Variants in CAAP1 observed in about 807,000 individuals in gnomAD.
CAAP1 encodes caspase activity and apoptosis inhibitor 1, also known as conserved anti-apoptotic protein.
A neutral mutation model predicts 34.0 loss-of-function variants in CAAP1; 20 were observed. The observed-to-expected ratio is 0.59, with a 90% CI of 0.41 to 0.86. The LOEUF (loss-of-function observed/expected upper bound fraction) is 0.86, where lower values mean the gene tolerates loss of function less well. Among genes scored for constraint, CAAP1 ranks in the 40% least tolerant of loss-of-function variants. CAAP1 has a pLI of 0.00. For synonymous variants in CAAP1, 213 were observed against 166.7 expected, an observed-to-expected ratio of 1.28 and a Z score of -2.14; for missense variants, 538 against 450.5, an observed-to-expected ratio of 1.19 and a Z score of -1.76.
rs146047235 is a variant in CAAP1 at position 26,884,817 on chromosome 9, C to T, written c.658G>A (p.Val220Ile). Reference sequence around the variant, plus strand: ...GAAAGTTTTTAAACTTACTGACTGACTAAATCAGATCCCATCTTAGAACCA... The same window carrying T: ...GAAAGTTTTTAAACTTACTGACTGATTAAATCAGATCCCATCTTAGAACCA... ...DDGSKMGSDL[V>I]SQQDICIDSA... Residue 220 changes from valine to isoleucine, a missense_variant, in exon 4 of 6, where the codon GTC becomes ATC. Coordinates refer to ENST00000333916, the MANE Select transcript of CAAP1 (RefSeq NM_024828.4). 1.9e-6 allele frequency: 3 copies of T among 1,606,584 alleles called. No homozygotes were observed. The African/African-American group carries it at 4.0e-5, about 21-fold the overall frequency.
intron 5 of CAAP1, among the ~76,000 whole-genome samples, chr9:26,848,474 C>G (rs1052513596): frequency 1.3e-5 from 2 of 152,162 alleles, no homozygotes; most frequent in African/African-American, 4.8e-5. Context: ...CAAGATTACA[C>G]CACTGCACTC....
chr9:26,846,091 C>A (rs1822594624), intron 5 of CAAP1, among the ~76,000 whole-genome samples: 1 of 151,294 alleles, frequency 6.6e-6, no homozygotes, highest in South Asian at 2.1e-4. Context: ...TGTTCCACAG[C>A]CAATTCTTCC....
Position 26,853,889 on chromosome 9 carries a change from C to T in CAAP1, c.739+7177G>A, listed in dbSNP as rs961574019. On this transcript the variant is annotated intron_variant, in intron 5 of 5. Coordinates refer to ENST00000333916, the MANE Select transcript of CAAP1 (RefSeq NM_024828.4). ...TTTATTAGACAAGTTCTTTCCAGAT[C>T]CAGACATATTTATCTTTCTATCCCT... Among the ~76,000 whole-genome samples the T allele has an allele frequency of 1.2e-4, 19 of 152,218 alleles. No individual in the cohort carries two copies. In the East Asian group the frequency reaches 1.4e-3, roughly 11 times the overall value.
rs894712895 is a variant in CAAP1 at position 26,853,137 on chromosome 9, A to G, written c.739+7929T>C. Among the ~76,000 whole-genome samples, 66 of 152,158 alleles carry G rather than the reference A, an allele frequency of 4.3e-4. 2 individuals carry two copies. Among genetic ancestry groups the G allele is most frequent in the African/African-American group, 1.5e-3 (64 of 41,454 alleles). ...CATGACCATTCATACAGTACAAAAT[A>G]ATCAGACTGCTGTGTGAAAGAGACT... On this transcript the variant is annotated intron_variant, in intron 5 of 5. Transcript: ENST00000333916.
At chr9:26,892,253 G>T in intron 1 of CAAP1, 160 bp downstream of exon 1, 1 of 1,507,606 alleles carries the variant, frequency 6.6e-7, no homozygotes, top group Non-Finnish European at 8.8e-7. Flanking sequence ...GGAGTGTGGG[G>T]CTCACCAGGA....
At chr9:26,887,059 A>T (rs894620063) in intron 2 of CAAP1, among the ~76,000 whole-genome samples, 1 of 152,110 alleles carries the variant, frequency 6.6e-6, no homozygotes, top group African/African-American at 2.4e-5. Context: ...TAAAAATCCA[A>T]AAATTAGCCG....
chr9:26,869,646 T>G (rs1823225979), intron 4 of CAAP1, among the ~76,000 whole-genome samples: 1 of 152,230 alleles, frequency 6.6e-6, no homozygotes, highest in African/African-American at 2.4e-5. Flanking sequence ...CTTTTCTTAT[T>G]AATAGTTAAC....
chr9:26,878,184 T>C (rs1823493022), intron 4 of CAAP1, among the ~76,000 whole-genome samples: 1 of 152,226 alleles, frequency 6.6e-6, no homozygotes, highest in African/African-American at 2.4e-5. Context: ...CATGCTGCAC[T>C]TGATTTTTTA....
rs1046132882 is a variant in CAAP1, at chr9:26,841,253, GT to G, written c.*1047del. On this transcript the variant is annotated 3_prime_UTR_variant, in exon 6 of 6. Transcript: ENST00000333916. ...ATAGAAACAACAGTTCCAGATTTAT[GT>G]TTTTTGAAAAAATTAATTTATTTTA... 5.3e-5 allele frequency: 8 copies of G among 152,310 alleles called. No homozygotes were observed. Among genetic ancestry groups the G allele is most frequent in the African/African-American group, 1.9e-4 (8 of 41,380 alleles). The allele number at this position is 152,310 out of a possible 1,614,324, so 9.4% of individuals were successfully genotyped here.
chr9:26,842,771 A>C, intron 5 of CAAP1, 124 bp from the exon 6 acceptor site: 1 of 686,418 alleles, frequency 1.5e-6, no homozygotes, highest in Non-Finnish European at 2.4e-6. Context: ...AACACATTCC[A>C]TAATCCCCAT....
Position 26,892,597 on chromosome 9 carries a change from G to C in CAAP1, c.119C>G (p.Thr40Ser). The C allele has an allele frequency of 6.2e-7, 1 of 1,607,760 alleles. No homozygotes were observed. The highest frequency in any genetic ancestry group is 1.1e-5 in the South Asian group (1 of 90,588). Residue 40 changes from threonine to serine, a missense_variant, in exon 1 of 6, where the codon ACT (threonine) becomes AGT (serine). By Grantham distance (58) the Thr-to-Ser change is moderately conservative. This residue lies in a region of CAAP1 where 514 missense variants were observed against 408.4 expected (regional missense o/e 1.26). Coordinates refer to ENST00000333916, the MANE Select transcript of CAAP1 (RefSeq NM_024828.4). Reference sequence around the variant, plus strand: ...GCCCCCGGCGCTCCCGCAGCCGCTAGTGCTTCCACTGCTGCCGCTGGCCAA... The same window carrying C: ...GCCCCCGGCGCTCCCGCAGCCGCTACTGCTTCCACTGCTGCCGCTGGCCAA... Reference protein sequence around the residue: ...PALASGSSGSTSGCGSAGGCG... With the variant: ...PALASGSSGSSSGCGSAGGCG...
At chr9:26,847,198 A>ATTTTTTTTTTTTTTTTTTTTTTTTTTTT (rs1171628621) in intron 5 of CAAP1, among the ~76,000 whole-genome samples, 2 of 34,708 alleles carry the variant, frequency 5.8e-5, no homozygotes, top group Non-Finnish European at 1.0e-4. Flanking sequence ...AAAAAGCAAT[A>ATTTTTTTTTTTTTTTTTTTTTTTTTTTT]TTTTTTTTTT....
intron 5 of CAAP1, among the ~76,000 whole-genome samples, chr9:26,859,541 T>C (rs1229274055): frequency 2.6e-5 from 4 of 152,312 alleles, no homozygotes; most frequent in Non-Finnish European, 4.4e-5. Context: ...GCCTGTTCAT[T>C]TGATACAAAG....
At chr9:26,887,191 G>C in intron 2 of CAAP1, 122 bp downstream of exon 2, 3 of 609,962 alleles carry the variant, frequency 4.9e-6, no homozygotes, top group Non-Finnish European at 8.0e-6. Flanking sequence ...CAGCCTGGGC[G>C]ACAGAGCAAG....
intron 4 of CAAP1, among the ~76,000 whole-genome samples, chr9:26,872,515 TA>T (rs1297083476): frequency 6.7e-6 from 1 of 150,020 alleles, no homozygotes; most frequent in African/African-American, 2.5e-5. Flanking sequence ...ACAGGCAACT[TA>T]AATGGAGATT....
At chr9:26,870,909 G>C (rs999230098) in intron 4 of CAAP1, among the ~76,000 whole-genome samples, 1 of 152,070 alleles carries the variant, frequency 6.6e-6, no homozygotes, top group Non-Finnish European at 1.5e-5. Flanking sequence ...GAGCCACCGC[G>C]CCCAGCCGCA....
At chr9:26,849,829 A>AAT (rs1333864826) in intron 5 of CAAP1, among the ~76,000 whole-genome samples, 1 of 151,996 alleles carries the variant, frequency 6.6e-6, no homozygotes, top group Non-Finnish European at 1.5e-5. Flanking sequence ...GATTACTTCT[A>AAT]ATAGTAAAAC....
At chr9:26,890,381 A>G (rs922994584) in intron 1 of CAAP1, among the ~76,000 whole-genome samples, 2 of 151,864 alleles carry the variant, frequency 1.3e-5, no homozygotes, top group Non-Finnish European at 2.9e-5. Flanking sequence ...AAAAAAAGAA[A>G]AAAAAAAAGG....
In CAAP1 at chr9:26,861,069, G is replaced by C. The variant is rs1414798551; in HGVS notation, c.736C>G (p.Gln246Glu). 6.2e-7 allele frequency: 1 copy of C among 1,600,766 alleles called. No individual in the cohort carries two copies. Among genetic ancestry groups the C allele is most frequent in the Non-Finnish European group, 8.6e-7 (1 of 1,168,374 alleles). ...TAATCAAGTACTTGGTTCATACCTT[G>C]TTTTAATTCCAAACCTTCAGGTTGC... Reference protein sequence around the residue: ...NKQPEGLELKQGKGEDSDVLS... With the variant: ...NKQPEGLELKEGKGEDSDVLS... The change falls in exon 5 of 6, where the codon CAA becomes GAA. Residue 246 changes from glutamine to glutamate, a missense_variant. Physicochemically the swap from Gln to Glu is conservative, Grantham distance 29. Transcript: ENST00000333916.
Sources: gnomAD v4.1 joint callset for allele counts (sites outside exome capture counted in the v4.1 genomes callset) on GRCh38, gnomAD v4.1.1 for gene constraint, gnomAD v4.1.1 regional missense constraint, MANE v1.5 for transcripts, NCBI Gene and HGNC (gene_info 2026-07-23, HGNC 2026-07-21) for gene names.